MLLT6: variants seen among roughly 807,000 people sequenced by gnomAD.
The protein encoded by MLLT6 is MLLT6, PHD finger containing, also known as protein AF-17.
Under a neutral mutation model 103.0 loss-of-function variants are expected in MLLT6, and 22 were observed. The ratio of observed to expected loss-of-function variants is 0.21; its 90% CI spans 0.15 to 0.31. The LOEUF (loss-of-function observed/expected upper bound fraction) is 0.31. Ranked by LOEUF, MLLT6 falls within the 10% of genes least tolerant of loss-of-function variation. The probability of loss-of-function intolerance (pLI) is 1.00; values close to 1 mark genes in which losing one functional copy is unlikely to be tolerated. For synonymous variants in MLLT6, 606 were observed against 623.5 expected, an observed-to-expected ratio of 0.97 and a Z score of 0.42; for missense variants, 1,199 against 1,441.7, an observed-to-expected ratio of 0.83 and a Z score of 2.73.
chr17:38,721,786 C>T (rs1905755921), intron 16 of MLLT6, 92 bp from the exon 17 acceptor site: 2 of 843,036 alleles, frequency 2.4e-6, no homozygotes, highest in Non-Finnish European at 3.5e-6. Flanking sequence ...GTGGGGGTTG[C>T]TGTGCTCTGT....
intron 19 of MLLT6, 94 bp downstream of exon 19, chr17:38,725,070 G>A: frequency 1.1e-6 from 1 of 951,240 alleles, no homozygotes; most frequent in Non-Finnish European, 1.5e-6. Context: ...CTCAGCAGGG[G>A]GAAGGAAGCA....
At chr17:38,713,045 C>T (rs1426781301) in intron 8 of MLLT6, 1 of 775,202 alleles carries the variant, frequency 1.3e-6, no homozygotes, top group African/African-American at 1.7e-5. Context: ...GTCCAGAGGG[C>T]CTCAGCCCTG....
Position 38,705,596 on chromosome 17 carries a change from G to GC in MLLT6, c.-31dup. 9.9e-7 allele frequency: 1 copy of GC among 1,007,296 alleles called. No individual in the cohort carries two copies. 62.4% of individuals were successfully genotyped at this position (1,007,296 alleles called of 1,614,324 possible). On this transcript the variant is annotated 5_prime_UTR_variant, in exon 1 of 20. Transcript: ENST00000621332. ...CCTGACCCCCGACCCCCGCCGGCCG[G>GC]CCCCCCGCCCCAGCCCCGGAGGGAG...
chr17:38,719,297 G>T, intron 12 of MLLT6: 3 of 575,742 alleles, frequency 5.2e-6, no homozygotes, highest in Non-Finnish European at 9.2e-6. Context: ...GGAGCCTTCA[G>T]CCCAGAGGAG....
chr17:38,717,120 G>T, intron 10 of MLLT6, 139 bp downstream of exon 10: 1 of 1,292,166 alleles, frequency 7.7e-7, no homozygotes, highest in South Asian at 1.4e-5. Flanking sequence ...TCACCTTCAG[G>T]ACATCCCCCT....
chr17:38,709,657 G>C lies in MLLT6; in HGVS notation c.552+82G>C. Reference sequence around the variant, plus strand: ...AGGGCATGGGCTCTGGGCCAGGCCAGTGCCTGGTGCTAGGAGGACAGAGAG... The same window carrying C: ...AGGGCATGGGCTCTGGGCCAGGCCACTGCCTGGTGCTAGGAGGACAGAGAG... On this transcript the variant is annotated intron_variant, in intron 6 of 19. Transcript: ENST00000621332. The surrounding 1 kb of genome is among the most constrained non-coding windows in gnomAD (Gnocchi z 4.3). The C allele has an allele frequency of 9.3e-7, 1 of 1,071,720 alleles. No individual in the cohort carries two copies. The highest frequency in any genetic ancestry group is 1.4e-6 in the Non-Finnish European group (1 of 697,496). The allele number at this position is 1,071,720 out of a possible 1,614,324, so 66.4% of individuals were successfully genotyped here. A position where few individuals can be genotyped will look rare whatever the true frequency, so the allele number is the denominator to read the frequency against.
rs528335314 is a variant in MLLT6, at chr17:38,724,718, C to T, written c.2982C>T (p.Ala994=). 17 of 1,612,824 alleles carry T rather than the reference C, an allele frequency of 1.1e-5. No homozygotes were observed. In the African/African-American group the frequency reaches 2.0e-4, roughly 19 times the overall value. Residue 994 remains alanine, a synonymous_variant, in exon 19 of 20, where the codon GCC becomes GCT. Transcript: ENST00000621332. This position sits in a 1 kb window ranked among gnomAD's most constrained non-coding sequence, Gnocchi z 5.4. The part of the protein sequence containing the change: ...QMAGGSQLPM[A]SLLAGSSTPL... ...CTGGGGGCTCCCAGCTGCCCATGGC[C>T]AGCCTGCTGGCAGGAAGCTCCACCC...
intron 14 of MLLT6, chr17:38,720,110 C>A: frequency 1.3e-6 from 1 of 748,780 alleles, no homozygotes; most frequent in Non-Finnish European, 2.1e-6. Context: ...GCCTCCGGGC[C>A]CCGACCTTAC....
chr17:38,718,003 C>T (rs537172833), intron 12 of MLLT6, 50 bp downstream of exon 12: 11 of 1,294,510 alleles, frequency 8.5e-6, no homozygotes, highest in Middle Eastern at 1.9e-4. Context: ...AGGTCGGACA[C>T]CCATCACCTG....
intron 7 of MLLT6, 37 bp from the exon 8 acceptor site, chr17:38,712,654 C>A: frequency 7.2e-7 from 1 of 1,383,338 alleles, no homozygotes; most frequent in Non-Finnish European, 1.0e-6. Flanking sequence ...CCCAGACAGC[C>A]CCCCAGCACA....
At position 38,717,622 on chromosome 17, in the gene MLLT6, T is replaced by C. The variant is rs757915700; in HGVS notation, c.1833+9T>C. 1.9e-6 allele frequency: 3 copies of C among 1,612,080 alleles called. No individual in the cohort carries two copies. The highest frequency in any genetic ancestry group is 4.5e-5 in the East Asian group (2 of 44,816). The stretch of plus-strand genomic sequence containing the variant: ...CTATCTCCACCACTCAGGTGAGACC[T>C]GACTCCTGGGCTCCTCCTTCCCTGG... On this transcript the variant is annotated intron_variant, in intron 11 of 19. Transcript: ENST00000621332.
chr17:38,718,629 C>G (rs1477761403), intron 12 of MLLT6: 1 of 152,326 alleles, frequency 6.6e-6, no homozygotes, highest in African/African-American at 2.4e-5. Flanking sequence ...AGCTCAGATT[C>G]TGTTCTCCTG....
chr17:38,707,548 G>C lies in MLLT6; in HGVS notation c.244+8G>C, dbSNP rs367839515. ...AGAGGACTGATAATGGAGGTGAGGCGGGCTCATCTGCTGAGGTCAGCAGGG... is the reference window on the plus strand; with the variant it reads ...AGAGGACTGATAATGGAGGTGAGGCCGGCTCATCTGCTGAGGTCAGCAGGG... On this transcript the variant is annotated splice_region_variant and intron_variant, in intron 3 of 19. Coordinates refer to ENST00000621332, the MANE Select transcript of MLLT6 (RefSeq NM_005937.4). 1 of 1,613,974 alleles carries C rather than the reference G, an allele frequency of 6.2e-7. No homozygotes were observed. Among genetic ancestry groups the C allele is most frequent in the South Asian group, 1.1e-5 (1 of 91,078 alleles).
At chr17:38,707,610 G>A in intron 3 of MLLT6, 70 bp downstream of exon 3, 1 of 1,518,430 alleles carries the variant, frequency 6.6e-7, no homozygotes, top group South Asian at 1.1e-5. Flanking sequence ...GGAATGGACT[G>A]AGTTGGGGTG....
Position 38,715,687 on chromosome 17 carries a change from A to G in MLLT6, c.895A>G (p.Lys299Glu). 1.9e-6 allele frequency: 3 copies of G among 1,614,124 alleles called. No homozygotes were observed. The highest frequency in any genetic ancestry group is 2.5e-6 in the Non-Finnish European group (3 of 1,180,020). ...GACCTCTGAGAGCAGCAGGGAGTCA[A>G]AGGGGAAAAAGTCTTCCAGCCATAG... Reference protein sequence around the residue: ...QETSESSRESKGKKSSSHSLS... With the variant: ...QETSESSRESEGKKSSSHSLS... The change falls in exon 9 of 20, where the codon AAG becomes GAG. Residue 299 changes from lysine to glutamate, a missense_variant. Around this residue, in one of 7 missense-constraint regions of MLLT6, gnomAD observed 1,034 missense variants for 1,091.5 expected, o/e 0.95. Coordinates refer to ENST00000621332, the MANE Select transcript of MLLT6 (RefSeq NM_005937.4).
In MLLT6 at chr17:38,728,849, TAGCTC is replaced by T. The variant is rs927655003; in HGVS notation, c.*3254_*3258del. 3.8e-5 allele frequency: 9 copies of T among 233,890 alleles called. No individual in the cohort carries two copies. Among genetic ancestry groups the T allele is most frequent in the African/African-American group, 6.6e-5 (3 of 45,356 alleles). 14.5% of individuals were successfully genotyped at this position (233,890 alleles called of 1,614,324 possible). On this transcript the variant is annotated 3_prime_UTR_variant, in exon 20 of 20. Coordinates refer to ENST00000621332, the MANE Select transcript of MLLT6 (RefSeq NM_005937.4). ...GGTGTCTATGTGGCACTGACTGTCT[TAGCTC>T]AGAGCTGGTGGATCCTCTCCATGGA...
intron 16 of MLLT6, 84 bp downstream of exon 16, chr17:38,720,831 G>A: frequency 8.1e-7 from 1 of 1,233,972 alleles, no homozygotes; most frequent in Non-Finnish European, 1.2e-6. Context: ...GCTATTGGAG[G>A]CTGGGCAATG....
At chr17:38,719,468 A>G in intron 12 of MLLT6, 49 bp from the exon 13 acceptor site, 2 of 1,508,960 alleles carry the variant, frequency 1.3e-6, no homozygotes, top group Non-Finnish European at 1.8e-6. Context: ...GGGGACCCTG[A>G]GGCAGCTACC....
intron 4 of MLLT6, chr17:38,708,224 C>T (rs1905012820): frequency 7.5e-6 from 2 of 268,392 alleles, no homozygotes; most frequent in African/African-American, 2.2e-5. Context: ...GGTGTGCTGC[C>T]CGCTCAATGG....
Sources: gnomAD v4.1 joint callset for allele counts on GRCh38, gnomAD v4.1.1 for gene constraint, gnomAD v4.1.1 regional missense constraint, Gnocchi (gnomAD v3.1) non-coding constraint, MANE v1.5 for transcripts, NCBI Gene and HGNC (gene_info 2026-07-23, HGNC 2026-07-21) for gene names.